STMN2: variants seen among roughly 807,000 people sequenced by gnomAD.
STMN2 encodes stathmin 2.
In STMN2, 2 loss-of-function variants were observed where a neutral mutation model predicts 24.1. The observed-to-expected ratio is 0.08, with a 90% confidence interval of 0.03 to 0.26. The LOEUF (loss-of-function observed/expected upper bound fraction) is 0.26, where lower values mean the gene tolerates loss of function less well. Ranked by LOEUF, STMN2 falls within the 10% of genes least tolerant of loss-of-function variation. The probability of loss-of-function intolerance (pLI) is 1.00; values close to 1 mark genes in which losing one functional copy is unlikely to be tolerated. For missense variants in STMN2, 114 were observed against 213.6 expected, an observed-to-expected ratio of 0.53 and a Z score of 2.91; for synonymous variants, 83 against 77.5, an observed-to-expected ratio of 1.07 and a Z score of -0.37.
At chr8:79,631,586 A>G (rs1344453049) in intron 1 of STMN2, 1 of 496,200 alleles carries the variant, frequency 2.0e-6, no homozygotes, top group East Asian at 1.5e-4. Context: ...AAGTTACATC[A>G]TTAATTACAT....
chr8:79,652,102 T>C (rs918011159), intron 3 of STMN2, among the ~76,000 whole-genome samples: 5 of 152,170 alleles, frequency 3.3e-5, no homozygotes, highest in Non-Finnish European at 5.9e-5. Context: ...TGTATTAAGA[T>C]AGAAAAATGA....
chr8:79,645,462 G>A (rs1473864111), intron 3 of STMN2, among the ~76,000 whole-genome samples: 4 of 152,022 alleles, frequency 2.6e-5, no homozygotes, highest in African/African-American at 2.4e-5. Context: ...GCACAGATAC[G>A]GATATTAAAA....
intron 4 of STMN2, among the ~76,000 whole-genome samples, chr8:79,656,790 T>C (rs1382196803): frequency 3.3e-5 from 5 of 152,196 alleles, no homozygotes; most frequent in African/African-American, 1.2e-4. Flanking sequence ...TAGGCCTCAA[T>C]GCAAGATTTA....
At chr8:79,650,522 CT>C (rs1381567297) in intron 3 of STMN2, among the ~76,000 whole-genome samples, 7 of 152,298 alleles carry the variant, frequency 4.6e-5, no homozygotes, top group Admixed American at 3.9e-4. Flanking sequence ...ATTGATTAAA[CT>C]GCCTATTTGC....
At chr8:79,627,727 T>G (rs531199061) in intron 1 of STMN2, among the ~76,000 whole-genome samples, 1 of 136,386 alleles carries the variant, frequency 7.3e-6, no homozygotes, top group South Asian at 2.3e-4. Flanking sequence ...ACAAAGAAAT[T>G]ATTCATTCTA....
intron 1 of STMN2, among the ~76,000 whole-genome samples, chr8:79,630,349 C>A (rs756867340): frequency 6.6e-6 from 1 of 152,242 alleles, no homozygotes; most frequent in South Asian, 2.1e-4. Flanking sequence ...GCATAATAGG[C>A]TATCCACCCT....
At chr8:79,625,118 T>A (rs993333970) in intron 1 of STMN2, among the ~76,000 whole-genome samples, 1 of 152,216 alleles carries the variant, frequency 6.6e-6, no homozygotes, top group Admixed American at 6.5e-5. Context: ...AATCTAATGA[T>A]CTTTCCACTG....
At chr8:79,611,250 C>G in intron 1 of STMN2, 36 bp downstream of exon 1, 1 of 1,613,084 alleles carries the variant, frequency 6.2e-7, no homozygotes, top group African/African-American at 1.3e-5. Flanking sequence ...TCGGCTCTAC[C>G]TGGAGCCCAC....
intron 1 of STMN2, among the ~76,000 whole-genome samples, chr8:79,618,300 C>T (rs553048655): frequency 3.3e-5 from 5 of 152,232 alleles, no homozygotes; most frequent in South Asian, 2.1e-4. Context: ...TGGGTTGTAA[C>T]GTATGAGACA....
At chr8:79,650,665 A>C (rs1252723203) in intron 3 of STMN2, among the ~76,000 whole-genome samples, 1 of 152,222 alleles carries the variant, frequency 6.6e-6, no homozygotes, top group African/African-American at 2.4e-5. Flanking sequence ...TCTGGATGCT[A>C]CACTGTGAAA....
At chr8:79,637,666 AC>A (rs1255580258) in intron 2 of STMN2, among the ~76,000 whole-genome samples, 1 of 152,208 alleles carries the variant, frequency 6.6e-6, no homozygotes, top group South Asian at 2.1e-4. Context: ...ATATCACTCT[AC>A]AATGATAGCT....
chr8:79,643,495 A>G (rs1810155628), intron 3 of STMN2, among the ~76,000 whole-genome samples: 1 of 152,068 alleles, frequency 6.6e-6, no homozygotes, highest in African/African-American at 2.4e-5. Flanking sequence ...AGATGCTATG[A>G]CTTGATTAGA....
intron 1 of STMN2, among the ~76,000 whole-genome samples, chr8:79,624,376 T>C (rs564760740): frequency 3.5e-3 from 488 of 141,216 alleles, no homozygotes; most frequent in Non-Finnish European, 5.8e-3. Context: ...ATGGCGTGAA[T>C]CCGGGAGGGG....
At chr8:79,641,624 GCACGCACACACACACACACACACA>G in intron 3 of STMN2, 74 bp downstream of exon 3, 1 of 476,324 alleles carries the variant, frequency 2.1e-6, no homozygotes, top group African/African-American at 3.1e-5. Flanking sequence ...GGGCACACAT[GCACGCACACACACACACACACACA>G]CACACACACA....
intron 3 of STMN2, among the ~76,000 whole-genome samples, chr8:79,652,243 C>T (rs1309741285): frequency 6.6e-6 from 1 of 152,230 alleles, no homozygotes; most frequent in Non-Finnish European, 1.5e-5. Flanking sequence ...AGGGCTCTAA[C>T]CCAATTCCTA....
intron 3 of STMN2, among the ~76,000 whole-genome samples, chr8:79,651,130 G>T (rs763855229): frequency 1.3e-5 from 2 of 152,108 alleles, no homozygotes; most frequent in African/African-American, 2.4e-5. Flanking sequence ...GTTAATAGTG[G>T]ATATAACATT....
At chr8:79,623,896 A>C (rs893098886) in intron 1 of STMN2, among the ~76,000 whole-genome samples, 21 of 152,332 alleles carry the variant, frequency 1.4e-4, no homozygotes, top group Non-Finnish European at 1.8e-4. Context: ...TTTTTAAAAA[A>C]GGTTTTGTGT....
chr8:79,629,144 T>G (rs538309763), intron 1 of STMN2, among the ~76,000 whole-genome samples: 1 of 152,308 alleles, frequency 6.6e-6, no homozygotes, highest in South Asian at 2.1e-4. Flanking sequence ...AATAGGACGA[T>G]GCTTCACACT....
At chr8:79,628,814 T>A (rs1324817450) in intron 1 of STMN2, among the ~76,000 whole-genome samples, 1 of 152,164 alleles carries the variant, frequency 6.6e-6, no homozygotes, top group African/African-American at 2.4e-5. Context: ...TAGAGTAAGT[T>A]GTCTTTTATA....
Sources: allele counts gnomAD v4.1 joint callset (sites outside exome capture counted in the v4.1 genomes callset), GRCh38; gene constraint gnomAD v4.1.1; transcripts MANE v1.5; gene names NCBI Gene and HGNC (gene_info 2026-07-23, HGNC 2026-07-21).